The following ADCY2 variants were observed in gnomAD, a reference collection of about 807,000 sequenced individuals.
The protein encoded by ADCY2 is adenylate cyclase type 2.
Under a neutral mutation model 125.2 loss-of-function variants are expected in ADCY2, and 31 were observed. The observed-to-expected ratio is 0.25, with a 90% CI of 0.19 to 0.33. The LOEUF (loss-of-function observed/expected upper bound fraction) is 0.33. ADCY2 is among the 10% of genes least tolerant of loss of function. ADCY2 has a pLI of 1.00. For synonymous variants in ADCY2, 512 were observed against 548.4 expected, an observed-to-expected ratio of 0.93 and a Z score of 0.93; for missense variants, 904 against 1,418.2, an observed-to-expected ratio of 0.64 and a Z score of 5.82.
intron 2 of ADCY2, among the ~76,000 whole-genome samples, chr5:7,467,609 T>C (rs1030615894): frequency 3.3e-5 from 5 of 152,216 alleles, no homozygotes; most frequent in African/African-American, 1.2e-4. Context: ...AAATGGCTTT[T>C]GTGGAGAAGG....
intron 2 of ADCY2, among the ~76,000 whole-genome samples, chr5:7,437,165 T>C (rs1183701588): frequency 2.0e-5 from 3 of 152,188 alleles, no homozygotes; most frequent in African/African-American, 4.8e-5. Context: ...TACAAAGTGC[T>C]GGTGTTCAAC....
chr5:7,543,068 T>C (rs368871186), intron 3 of ADCY2, among the ~76,000 whole-genome samples: 1 of 152,198 alleles, frequency 6.6e-6, no homozygotes, highest in East Asian at 1.9e-4. Context: ...AACTTGAATA[T>C]TGTGCTATCA....
At chr5:7,405,232 T>C (rs1739431775) in intron 1 of ADCY2, among the ~76,000 whole-genome samples, 1 of 152,180 alleles carries the variant, frequency 6.6e-6, no homozygotes, top group African/African-American at 2.4e-5. Flanking sequence ...AACTTTCATA[T>C]GCCTGGAAGA....
At chr5:7,427,177 G>A (rs943978645) in intron 2 of ADCY2, among the ~76,000 whole-genome samples, 2 of 152,096 alleles carry the variant, frequency 1.3e-5, no homozygotes, top group African/African-American at 4.8e-5. Flanking sequence ...TTGCAGCTGT[G>A]ATACTCCAAT....
At chr5:7,592,636 TC>T (rs1736885704) in intron 3 of ADCY2, among the ~76,000 whole-genome samples, 1 of 152,176 alleles carries the variant, frequency 6.6e-6, no homozygotes, top group African/African-American at 2.4e-5. Context: ...AGACCTTCCT[TC>T]CGTGTAATGA....
chr5:7,535,482 G>C (rs889209487), intron 3 of ADCY2, among the ~76,000 whole-genome samples: 10 of 152,172 alleles, frequency 6.6e-5, no homozygotes, highest in African/African-American at 2.4e-4. Flanking sequence ...GCAATAATAG[G>C]CAGTTCTTTC....
chr5:7,660,079 G>T (rs1283881374), intron 4 of ADCY2, among the ~76,000 whole-genome samples: 2 of 152,100 alleles, frequency 1.3e-5, no homozygotes, highest in African/African-American at 4.8e-5. Flanking sequence ...TACTTATCAG[G>T]TACTATGCTT....
At chr5:7,640,663 CATT>C (rs1396763222) in intron 4 of ADCY2, among the ~76,000 whole-genome samples, 1 of 151,220 alleles carries the variant, frequency 6.6e-6, no homozygotes, top group East Asian at 1.9e-4. Context: ...CCTTTGGTAA[CATT>C]ATTTTTTTTT....
At chr5:7,772,753 T>TC (rs397718624) in intron 17 of ADCY2, among the ~76,000 whole-genome samples, 179 bp from the exon 18 acceptor site, 2 of 151,500 alleles carry the variant, frequency 1.3e-5, no homozygotes. Flanking sequence ...TTTTTTTTTT[T>TC]CTGAATTTAA....
chr5:7,557,201 A>ATATATATATG, intron 3 of ADCY2, among the ~76,000 whole-genome samples: 2 of 140,060 alleles, frequency 1.4e-5, no homozygotes, highest in Non-Finnish European at 3.2e-5. Flanking sequence ...TGATATATAT[A>ATATATATATG]ACTCAAGTGA....
At chr5:7,621,612 G>T (rs945431281) in intron 3 of ADCY2, among the ~76,000 whole-genome samples, 4 of 152,308 alleles carry the variant, frequency 2.6e-5, no homozygotes, top group African/African-American at 9.6e-5. Flanking sequence ...AATAAAACAA[G>T]TCCATTCTCC....
At chr5:7,536,955 C>G (rs1016564972) in intron 3 of ADCY2, among the ~76,000 whole-genome samples, 1 of 152,150 alleles carries the variant, frequency 6.6e-6, no homozygotes, top group Non-Finnish European at 1.5e-5. Flanking sequence ...AGAGTAAGAA[C>G]AGTCATTTCT....
chr5:7,597,489 T>C lies in ADCY2; in HGVS notation c.571-28678T>C, dbSNP rs545563830. 7.9e-5 allele frequency among the ~76,000 whole-genome samples: 12 copies of C among 152,276 alleles called. No homozygotes were observed. In the East Asian group the frequency reaches 2.3e-3, roughly 29 times the overall value. ...AGAATAGGCAGGGTAAAGAATGCAGTAGTGGCCAGGCGCAGTGGCTCACGC... is the reference window on the plus strand; with the variant it reads ...AGAATAGGCAGGGTAAAGAATGCAGCAGTGGCCAGGCGCAGTGGCTCACGC... On this transcript the variant is annotated intron_variant, in intron 3 of 24. Coordinates refer to ENST00000338316, the MANE Select transcript of ADCY2 (RefSeq NM_020546.3).
intron 12 of ADCY2, among the ~76,000 whole-genome samples, chr5:7,723,895 T>G (rs1344518909): frequency 9.5e-6 from 1 of 105,330 alleles, no homozygotes; most frequent in East Asian, 2.5e-4. Context: ...CACTCCAGCC[T>G]GGGTGACAGA....
intron 2 of ADCY2, among the ~76,000 whole-genome samples, chr5:7,496,471 T>G (rs1418162537): frequency 1.3e-5 from 2 of 152,198 alleles, no homozygotes; most frequent in East Asian, 1.9e-4. Context: ...TAATTGTGGC[T>G]ATTACACATT....
At chr5:7,499,099 C>G (rs891402022) in intron 2 of ADCY2, among the ~76,000 whole-genome samples, 1 of 152,154 alleles carries the variant, frequency 6.6e-6, no homozygotes, top group Non-Finnish European at 1.5e-5. Context: ...CCTCTGCCTC[C>G]CGGGTTCAAG....
intron 2 of ADCY2, among the ~76,000 whole-genome samples, chr5:7,500,482 A>G (rs1375081123): frequency 6.6e-6 from 1 of 152,162 alleles, no homozygotes; most frequent in East Asian, 1.9e-4. Flanking sequence ...CCAACAGCAA[A>G]AACTCATGTT....
chr5:7,552,895 C>G (rs530387217), intron 3 of ADCY2, among the ~76,000 whole-genome samples: 2 of 152,158 alleles, frequency 1.3e-5, no homozygotes, highest in African/African-American at 4.8e-5. Flanking sequence ...GTGGGAGGAC[C>G]TTCTATGGCC....
intron 7 of ADCY2, among the ~76,000 whole-genome samples, chr5:7,704,734 T>C (rs929654586): frequency 4.6e-5 from 7 of 151,886 alleles, no homozygotes; most frequent in East Asian, 3.9e-4. Flanking sequence ...AAAAATTAGC[T>C]GGGCGGTTTG....
Sources: allele counts gnomAD v4.1 joint callset (sites outside exome capture counted in the v4.1 genomes callset), GRCh38; gene constraint gnomAD v4.1.1; transcripts MANE v1.5; gene names NCBI Gene and HGNC (gene_info 2026-07-23, HGNC 2026-07-21).